CFAP77: variants seen among roughly 807,000 people sequenced by gnomAD.
CFAP77 encodes the protein cilia and flagella associated protein 77, also known as cilia- and flagella-associated protein 77.
A neutral mutation model predicts 31.1 loss-of-function variants in CFAP77; 25 were observed. That is an observed-to-expected ratio of 0.80 (90% confidence interval 0.59 to 1.12). The LOEUF (loss-of-function observed/expected upper bound fraction) is 1.12. Ranked by LOEUF, CFAP77 falls within the 50% of genes most tolerant of loss-of-function variation. The probability of loss-of-function intolerance (pLI) is 0.00; values close to 1 mark genes in which losing one functional copy is unlikely to be tolerated. For synonymous variants in CFAP77, 151 were observed against 159.9 expected, an observed-to-expected ratio of 0.94 and a Z score of 0.42; for missense variants, 377 against 397.3, an observed-to-expected ratio of 0.95 and a Z score of 0.44.
At chr9:132,550,036 G>C (rs115803866) in intron 5 of CFAP77, among the ~76,000 whole-genome samples, 247 of 152,308 alleles carry the variant, frequency 1.6e-3, no homozygotes, top group African/African-American at 5.9e-3. Context: ...GGAGTGATGG[G>C]GGAATAGCGG....
At chr9:132,475,534 C>CGT (rs1851335726) in intron 1 of CFAP77, among the ~76,000 whole-genome samples, 3 of 152,150 alleles carry the variant, frequency 2.0e-5, no homozygotes, top group Non-Finnish European at 2.9e-5. Flanking sequence ...TTTTGCCAGT[C>CGT]TTGAATGCCT....
At chr9:132,420,666 CA>C (rs11414328) in intron 1 of CFAP77, among the ~76,000 whole-genome samples, 354 of 127,666 alleles carry the variant, frequency 2.8e-3, no homozygotes, top group East Asian at 8.1e-3. Flanking sequence ...GACTCTGTCT[CA>C]AAAAAAAAAA....
Position 132,539,988 on chromosome 9 carries a change from A to G in CFAP77, c.630+2282A>G, listed in dbSNP as rs1852611865. 6.6e-6 allele frequency among the ~76,000 whole-genome samples: 1 copy of G among 151,786 alleles called. No homozygotes were observed. Among genetic ancestry groups the G allele is most frequent in the Non-Finnish European group, 1.5e-5 (1 of 67,964 alleles). ...CTCTTGTTGCCCAGGCTGGAGTGCA[A>G]TGGGGCAATCTCAACTCACTGCAAC... On this transcript the variant is annotated intron_variant, in intron 4 of 5. Coordinates refer to ENST00000393216, the MANE Select transcript of CFAP77 (RefSeq NM_001282957.2). This position sits in a 1 kb window ranked among gnomAD's most constrained non-coding sequence, Gnocchi z 4.3.
intron 5 of CFAP77, among the ~76,000 whole-genome samples, chr9:132,550,304 C>T (rs1372772682): frequency 2.0e-5 from 3 of 152,202 alleles, no homozygotes; most frequent in Non-Finnish European, 4.4e-5. Flanking sequence ...AGTAAGACAG[C>T]TGGTTTGGGC....
chr9:132,507,878 A>C (rs1164707159), intron 3 of CFAP77, among the ~76,000 whole-genome samples: 1 of 151,960 alleles, frequency 6.6e-6, no homozygotes, highest in East Asian at 1.9e-4. Flanking sequence ...CCCGGGCCTC[A>C]GAGAGGGCCT....
intron 1 of CFAP77, among the ~76,000 whole-genome samples, chr9:132,420,625 C>T (rs1009549807): frequency 4.6e-5 from 7 of 150,918 alleles, no homozygotes; most frequent in East Asian, 2.0e-4. Flanking sequence ...CGCGCCATTG[C>T]ACTCCGGCCT....
intron 1 of CFAP77, among the ~76,000 whole-genome samples, chr9:132,427,317 C>T (rs762956922): frequency 1.3e-5 from 2 of 152,194 alleles, no homozygotes; most frequent in Non-Finnish European, 2.9e-5. Flanking sequence ...TGACCATTCC[C>T]TCCTTGGCCA....
chr9:132,538,791 A>G (rs1852589702), intron 4 of CFAP77, among the ~76,000 whole-genome samples: 3 of 151,386 alleles, frequency 2.0e-5, no homozygotes, highest in African/African-American at 7.3e-5. Flanking sequence ...AAAAGATACT[A>G]GAATGGTACT....
intron 1 of CFAP77, among the ~76,000 whole-genome samples, chr9:132,434,638 G>T (rs1052206798): frequency 6.6e-6 from 1 of 152,092 alleles, no homozygotes; most frequent in Admixed American, 6.5e-5. Flanking sequence ...TGGTTTCACC[G>T]AGAAGCAAAA....
In CFAP77 at chr9:132,554,134, G is replaced by A. The variant is rs1852860893; in HGVS notation, c.732+11087G>A. ...AAGCGATAGGACCAGGATTGGAACT[G>A]AGCTCTGTGGAACTCAAAGCCCTAT... is the stretch of plus-strand genomic sequence containing the variant. On this transcript the variant is annotated intron_variant, in intron 5 of 5. Transcript: ENST00000393216. The surrounding 1 kb of genome is among the most constrained non-coding windows in gnomAD (Gnocchi z 4.1). Among the ~76,000 whole-genome samples, 1 of 152,128 alleles carries A rather than the reference G, an allele frequency of 6.6e-6. No homozygotes were observed. Among genetic ancestry groups the A allele is most frequent in the East Asian group, 1.9e-4 (1 of 5,190 alleles).
intron 4 of CFAP77, among the ~76,000 whole-genome samples, chr9:132,542,006 G>T (rs1852652389): frequency 6.6e-6 from 1 of 152,170 alleles, no homozygotes; most frequent in South Asian, 2.1e-4. Flanking sequence ...GGGCCTGAAA[G>T]GTCTACAGTT....
intron 1 of CFAP77, among the ~76,000 whole-genome samples, chr9:132,476,830 A>G (rs1176505732): frequency 6.6e-6 from 1 of 152,194 alleles, no homozygotes; most frequent in Non-Finnish European, 1.5e-5. Flanking sequence ...TCGGAGCCCC[A>G]GAAGGAACCA....
At position 132,499,290 on chromosome 9, in the gene CFAP77, C is replaced by A; in HGVS notation, c.296-82C>A. 2 of 1,249,328 alleles carry A rather than the reference C, an allele frequency of 1.6e-6. No homozygotes were observed. The highest frequency in any genetic ancestry group is 1.8e-5 in the Admixed American group (1 of 55,432). The allele number at this position is 1,249,328 out of a possible 1,614,324, so 77.4% of individuals were successfully genotyped here. A position where few individuals can be genotyped will look rare whatever the true frequency, so the allele number is the denominator to read the frequency against. On this transcript the variant is annotated intron_variant, in intron 2 of 5. Transcript: ENST00000393216. This position sits in a 1 kb window ranked among gnomAD's most constrained non-coding sequence, Gnocchi z 5.4. ...AATGGGAAGGCCGAGGACCCGCGTGCCCCCATTTCTTCTCGATCAGCTGCC... is the reference window on the plus strand; with the variant it reads ...AATGGGAAGGCCGAGGACCCGCGTGACCCCATTTCTTCTCGATCAGCTGCC...
intron 3 of CFAP77, among the ~76,000 whole-genome samples, chr9:132,525,412 T>A (rs1007569253): frequency 9.9e-5 from 15 of 152,052 alleles, no homozygotes; most frequent in Non-Finnish European, 2.1e-4. Context: ...TTAAAAAAAA[T>A]TTTACTTTGA....
intron 1 of CFAP77, among the ~76,000 whole-genome samples, chr9:132,423,530 C>T (rs1412272): frequency 0.12 from 18,467 of 152,030 alleles, 1,488 homozygotes; most frequent in Admixed American, 0.26. Flanking sequence ...ATGGGGAAGC[C>T]GAGGCTTATA....
At chr9:132,474,152 A>T (rs895123229) in intron 1 of CFAP77, among the ~76,000 whole-genome samples, 1 of 152,126 alleles carries the variant, frequency 6.6e-6, no homozygotes, top group Non-Finnish European at 1.5e-5. Flanking sequence ...TCTAGAAAAA[A>T]TCTTGCTTGA....
At chr9:132,458,357 G>GGGGGGTGGGGGTGGGGT (rs139008147) in intron 1 of CFAP77, among the ~76,000 whole-genome samples, 2 of 119,046 alleles carry the variant, frequency 1.7e-5, no homozygotes, top group Non-Finnish European at 3.5e-5. Flanking sequence ...GAGGGGGGGG[G>GGGGGGTGGGGGTGGGGT]GTGTGTATGG....
In CFAP77 at chr9:132,541,971, C is replaced by T. The variant is rs539197333; in HGVS notation, c.631-975C>T. On this transcript the variant is annotated intron_variant, in intron 4 of 5. Coordinates refer to ENST00000393216, the MANE Select transcript of CFAP77 (RefSeq NM_001282957.2). The stretch of plus-strand genomic sequence containing the variant: ...AAAGAGGAAACATAAGCCTGGTGAA[C>T]CCCAGGGCAGATCCATGTTCTGTAG... 5.6e-4 allele frequency among the ~76,000 whole-genome samples: 85 copies of T among 152,268 alleles called. 1 individual carries two copies. The highest frequency in any genetic ancestry group is 2.0e-3 in the African/African-American group (82 of 41,564).
At chr9:132,531,265 CTG>C (rs1201912969) in intron 3 of CFAP77, among the ~76,000 whole-genome samples, 1 of 152,220 alleles carries the variant, frequency 6.6e-6, no homozygotes, top group Non-Finnish European at 1.5e-5. Context: ...GAGAGCAGCA[CTG>C]TGCCAGTTCA....
Sources: gnomAD v4.1 joint callset for allele counts (sites outside exome capture counted in the v4.1 genomes callset) on GRCh38, gnomAD v4.1.1 for gene constraint, Gnocchi (gnomAD v3.1) non-coding constraint, MANE v1.5 for transcripts, NCBI Gene and HGNC (gene_info 2026-07-23, HGNC 2026-07-21) for gene names.